Variants in LANCL1 observed in about 807,000 individuals in gnomAD.
The protein encoded by LANCL1 is LanC like glutathione S-transferase 1, also known as glutathione S-transferase LANCL1.
A neutral mutation model predicts 50.6 loss-of-function variants in LANCL1; 50 were observed. That is an observed-to-expected ratio of 0.99 (90% CI 0.79 to 1.25). The LOEUF (loss-of-function observed/expected upper bound fraction) is 1.25, where lower values mean the gene tolerates loss of function less well. Ranked by LOEUF, LANCL1 falls within the 50% of genes most tolerant of loss-of-function variation. The pLI is 0.00. For synonymous variants in LANCL1, 188 were observed against 178.6 expected (o/e 1.05, Z -0.42); for missense variants, 532 against 480.7 (o/e 1.11, Z -1.00).
chr2:210,474,808 G>C (rs1440283358), intron 2 of LANCL1, among the ~76,000 whole-genome samples: 1 of 151,960 alleles, frequency 6.6e-6, no homozygotes, highest in Non-Finnish European at 1.5e-5. Flanking sequence ...AGTCTAAATA[G>C]GTACATTTTA....
chr2:210,459,919 C>G (rs957902626), intron 3 of LANCL1, among the ~76,000 whole-genome samples: 4 of 151,622 alleles, frequency 2.6e-5, no homozygotes, highest in African/African-American at 9.7e-5. Flanking sequence ...ACTTCTAAAT[C>G]TGCAATTTCC....
intron 4 of LANCL1, among the ~76,000 whole-genome samples, chr2:210,451,939 C>A (rs918698000): frequency 2.6e-5 from 4 of 152,164 alleles, no homozygotes; most frequent in African/African-American, 7.2e-5. Flanking sequence ...CACAAAAGAA[C>A]AAATGTATAA....
rs751660457 is a variant in LANCL1 at position 210,455,255 on chromosome 2, A to G, written c.259T>C (p.Leu87=). 2 of 1,613,158 alleles carry G rather than the reference A, an allele frequency of 1.2e-6. No homozygotes were observed. The highest frequency in any genetic ancestry group is 3.3e-5 in the Admixed American group (2 of 59,856). ...DVFGDPAYLQ[L]AHGYVKQSLN... ...CTTTGCTTTACATAGCCATGTGCTA[A>G]CTGTAGGTAGGCAGGGTCCCCAAAT... The change falls in exon 4 of 10, where the codon TTA becomes CTA. Residue 87 remains leucine (L), a synonymous_variant. Coordinates refer to ENST00000450366, the MANE Select transcript of LANCL1 (RefSeq NM_006055.3).
chr2:210,475,612 T>C (rs1280288642), intron 2 of LANCL1, among the ~76,000 whole-genome samples: 2 of 152,186 alleles, frequency 1.3e-5, no homozygotes, highest in Non-Finnish European at 2.9e-5. Flanking sequence ...GGATTAATGG[T>C]GTGAGCCACT....
chr2:210,437,657 T>TA (rs1283530636), intron 7 of LANCL1, 33 bp downstream of exon 7: 2 of 1,389,760 alleles, frequency 1.4e-6, no homozygotes, highest in South Asian at 1.8e-5. Flanking sequence ...TTTGGTTATT[T>TA]AAAAAAATTT....
At chr2:210,442,733 C>T (rs1030317700) in intron 4 of LANCL1, 9 of 152,206 alleles carry the variant, frequency 5.9e-5, no homozygotes, top group East Asian at 1.9e-4. Flanking sequence ...TGGTATTCCC[C>T]GGTCTGAACT....
At chr2:210,477,431 A>T (rs997012835), upstream of LANCL1, 2 of 945,120 alleles carry the variant, frequency 2.1e-6, no homozygotes, top group African/African-American at 3.4e-5. Context: ...TTTTTCTTTC[A>T]TTTAAAATTA....
chr2:210,437,042 T>C lies in LANCL1; in HGVS notation c.873+648A>G, dbSNP rs1000114454. Among the ~76,000 whole-genome samples the C allele has an allele frequency of 3.3e-5, 5 of 152,212 alleles. No homozygotes were observed. The East Asian group carries it at 9.6e-4, about 29-fold the overall frequency. ...GAGATGCCAGCGCCCAGCGATAGTC[T>C]GCAGAGTTGTAATTTGTTGATTTGG... On this transcript the variant is annotated intron_variant, in intron 7 of 9. Coordinates refer to ENST00000450366, the MANE Select transcript of LANCL1 (RefSeq NM_006055.3).
intron 2 of LANCL1, 60 bp from the exon 3 acceptor site, chr2:210,472,136 T>C (rs955808659): frequency 1.8e-6 from 2 of 1,116,580 alleles, no homozygotes; most frequent in Non-Finnish European, 1.4e-6. Context: ...TGCTGGACTA[T>C]AAGCTATCAA....
chr2:210,465,419 T>C (rs571714303), intron 3 of LANCL1, among the ~76,000 whole-genome samples: 5 of 152,176 alleles, frequency 3.3e-5, no homozygotes, highest in Non-Finnish European at 5.9e-5. Flanking sequence ...TAACCATAGA[T>C]TGAGGTCTGC....
chr2:210,448,162 T>C (rs1270600742), intron 4 of LANCL1, among the ~76,000 whole-genome samples: 3 of 152,088 alleles, frequency 2.0e-5, no homozygotes, highest in Non-Finnish European at 2.9e-5. Context: ...TCTCAGGCCA[T>C]AGTGCAATCA....
intron 3 of LANCL1, among the ~76,000 whole-genome samples, chr2:210,467,683 G>C (rs1197537747): frequency 6.6e-6 from 1 of 152,206 alleles, no homozygotes; most frequent in Non-Finnish European, 1.5e-5. Flanking sequence ...ATAAACTTTT[G>C]AGAGTGTCAA....
chr2:210,437,319 T>C (rs765289491), intron 7 of LANCL1, among the ~76,000 whole-genome samples: 2 of 152,224 alleles, frequency 1.3e-5, no homozygotes, highest in Non-Finnish European at 2.9e-5. Context: ...ATTGTATATA[T>C]GACATTTTAT....
chr2:210,438,703 C>T (rs1301807217), intron 6 of LANCL1, among the ~76,000 whole-genome samples: 1 of 152,150 alleles, frequency 6.6e-6, no homozygotes, highest in African/African-American at 2.4e-5. Flanking sequence ...CTACAGCATG[C>T]CTCTAGATCA....
intron 4 of LANCL1, among the ~76,000 whole-genome samples, chr2:210,450,122 A>G (rs1693468280): frequency 6.6e-6 from 1 of 152,222 alleles, no homozygotes; most frequent in Admixed American, 6.5e-5. Context: ...CCAAAACAGC[A>G]TGGTACTGGT....
Position 210,476,408 on chromosome 2 carries a change from C to A in LANCL1, c.-12G>T. 1 of 1,613,284 alleles carries A rather than the reference C, an allele frequency of 6.2e-7. No homozygotes were observed. Among genetic ancestry groups the A allele is most frequent in the Non-Finnish European group, 8.5e-7 (1 of 1,179,770 alleles). The stretch of plus-strand genomic sequence containing the variant: ...GCCCTTTGAGCCATGACGCCGGAAG[C>A]AAGCCTGCAGAACAGGGGAAAAACA... On this transcript the variant is annotated 5_prime_UTR_variant, in exon 2 of 10. Coordinates refer to ENST00000450366, the MANE Select transcript of LANCL1 (RefSeq NM_006055.3).
At chr2:210,471,921 C>T (rs1694236290) in intron 3 of LANCL1, 38 bp downstream of exon 3, 1 of 1,408,614 alleles carries the variant, frequency 7.1e-7, no homozygotes. Context: ...GGCTCTTAAG[C>T]ACAATGCTTA....
intron 8 of LANCL1, 45 bp from the exon 9 acceptor site, chr2:210,435,504 A>C (rs765243634): frequency 6.8e-7 from 1 of 1,460,326 alleles, no homozygotes; most frequent in Non-Finnish European, 9.6e-7. Context: ...TTTCTTCCAG[A>C]GACAACCCCA....
chr2:210,434,202 C>A lies in LANCL1; in HGVS notation c.*285G>T, dbSNP rs2105879917. 3.8e-6 allele frequency: 1 copy of A among 261,228 alleles called. No individual in the cohort carries two copies. The highest frequency in any genetic ancestry group is 7.2e-6 in the Non-Finnish European group (1 of 139,154). The allele number at this position is 261,228 out of a possible 1,614,324, so 16.2% of individuals were successfully genotyped here. A position where few individuals can be genotyped will look rare whatever the true frequency, so the allele number is the denominator to read the frequency against. On this transcript the variant is annotated 3_prime_UTR_variant, in exon 10 of 10. Transcript: ENST00000450366. ...TCATAAACTTAAATAAGATTTCCTC[C>A]AAGTTCTGGAATATATGTATACAAT...
Sources: allele counts gnomAD v4.1 joint callset (sites outside exome capture counted in the v4.1 genomes callset), GRCh38; gene constraint gnomAD v4.1.1; transcripts MANE v1.5; gene names NCBI Gene and HGNC (gene_info 2026-07-23, HGNC 2026-07-21).